The following B4GALNT1 variants were observed in gnomAD, a reference collection of about 807,000 sequenced individuals.
B4GALNT1 encodes beta-1,4-N-acetyl-galactosaminyltransferase 1.
Under a neutral mutation model 55.2 loss-of-function variants are expected in B4GALNT1, and 43 were observed. The observed-to-expected ratio is 0.78, with a 90% CI of 0.61 to 1.00. The LOEUF (loss-of-function observed/expected upper bound fraction) is 1.00, where lower values mean the gene tolerates loss of function less well. Among genes scored for constraint, B4GALNT1 ranks in the 50% least tolerant of loss-of-function variants. The pLI is 0.00. For synonymous variants in B4GALNT1, 305 were observed against 311.6 expected (o/e 0.98, Z 0.22); for missense variants, 664 against 729.7 (o/e 0.91, Z 1.04).
Position 57,623,997 on chromosome 12 carries a change from C to T in B4GALNT1, c.*2747G>A, listed in dbSNP as rs914857677. 2 of 1,611,740 alleles carry T rather than the reference C, an allele frequency of 1.2e-6. No individual in the cohort carries two copies. The highest frequency in any genetic ancestry group is 3.3e-5 in the Admixed American group (2 of 59,794). On this transcript the variant is annotated 3_prime_UTR_variant, in exon 11 of 11. Coordinates refer to ENST00000341156, the MANE Select transcript of B4GALNT1 (RefSeq NM_001478.5). ...GAGGTAGTCAGCCCACCTCCTCTGC[C>T]TCAAGGCTGTCCTGGCTTGCATCAA...
rs759270517 is a variant in B4GALNT1, at chr12:57,625,606, G to T, written c.*1138C>A. 1.9e-6 allele frequency: 3 copies of T among 1,592,472 alleles called. No individual in the cohort carries two copies. In the African/African-American group the frequency reaches 4.0e-5, roughly 21 times the overall value. ...GCCTTGGTGCAGGGGACACTGACCC[G>T]GGTAGGACTCCTGGACAGGGTGACT... is the stretch of plus-strand genomic sequence containing the variant. On this transcript the variant is annotated 3_prime_UTR_variant, in exon 11 of 11. Transcript: ENST00000341156.
At position 57,626,754 on chromosome 12, in the gene B4GALNT1, G is replaced by A; in HGVS notation, c.1592C>T (p.Thr531Ile). ...LFFKHRLQCM[T>I]SQ ...ATCCCCAGCGGGCCATCACTGGGAG[G>A]TCATGCACTGCAGCCGGTGTTTGAA... The change falls in exon 11 of 11, where the codon ACC (threonine) becomes ATC (isoleucine). Residue 531 changes from threonine to isoleucine, a missense_variant. Thr to Ile is a moderately conservative substitution (Grantham distance 89). Transcript: ENST00000341156. 6.2e-7 allele frequency: 1 copy of A among 1,614,212 alleles called. No homozygotes were observed. Among genetic ancestry groups the A allele is most frequent in the Non-Finnish European group, 8.5e-7 (1 of 1,180,040 alleles).
intron 1 of B4GALNT1, chr12:57,632,421 C>T (rs1177651592): frequency 1.9e-6 from 1 of 530,280 alleles, no homozygotes. Flanking sequence ...ATTTGGATGC[C>T]GCGGTTTCGA....
intron 1 of B4GALNT1, chr12:57,632,552 T>C (rs1885296805): frequency 7.6e-6 from 2 of 263,740 alleles, no homozygotes; most frequent in South Asian, 7.3e-5. Context: ...TGGGCCGGGG[T>C]GGGCTGCGGA....
intron 2 of B4GALNT1, 106 bp from the exon 3 acceptor site, chr12:57,631,470 G>C: frequency 7.6e-7 from 1 of 1,311,300 alleles, no homozygotes; most frequent in East Asian, 2.4e-5. Context: ...AATTCTGTCT[G>C]TCTAGGCTCT....
chr12:57,630,342 G>A lies in B4GALNT1; in HGVS notation c.532-10C>T, dbSNP rs1885118622. Reference sequence around the variant, plus strand: ...AGGCAGTCAGGTTCACCTAGGAGGGGATTGGAGAGTGCAGGGTTAGGCCCC... The same window carrying A: ...AGGCAGTCAGGTTCACCTAGGAGGGAATTGGAGAGTGCAGGGTTAGGCCCC... On this transcript the variant is annotated splice_polypyrimidine_tract_variant and intron_variant, in intron 5 of 10. Transcript: ENST00000341156. 1 of 1,613,038 alleles carries A rather than the reference G, an allele frequency of 6.2e-7. No individual in the cohort carries two copies. The highest frequency in any genetic ancestry group is 1.3e-5 in the African/African-American group (1 of 74,890).
chr12:57,627,870 G>A lies in B4GALNT1; in HGVS notation c.1144-12C>T, dbSNP rs761261942. On this transcript the variant is annotated splice_polypyrimidine_tract_variant and intron_variant, in intron 9 of 10. Transcript: ENST00000341156. ...ACCGCGCCCCCCACCTGCAGGGAGA[G>A]GGAGGTTGCCTCCAGGCGGGCCTGG... 6 of 1,568,190 alleles carry A rather than the reference G, an allele frequency of 3.8e-6. No homozygotes were observed. Among genetic ancestry groups the A allele is most frequent in the South Asian group, 3.5e-5 (3 of 86,298 alleles).
chr12:57,625,660 A>G lies in B4GALNT1; in HGVS notation c.*1084T>C, dbSNP rs201447730. On this transcript the variant is annotated 3_prime_UTR_variant, in exon 11 of 11. Transcript: ENST00000341156. ...GATCAGCTGTTTGTGAGTGTGCAGG[A>G]TGCAGCTGCTTATGCCCTGGGGAGC... 55 of 1,589,636 alleles carry G rather than the reference A, an allele frequency of 3.5e-5. No individual in the cohort carries two copies. In the African/African-American group the frequency reaches 5.8e-4, roughly 17 times the overall value.
chr12:57,623,829 T>C lies in B4GALNT1; in HGVS notation c.*2915A>G. 1 of 1,613,070 alleles carries C rather than the reference T, an allele frequency of 6.2e-7. No homozygotes were observed. Among genetic ancestry groups the C allele is most frequent in the East Asian group, 2.2e-5 (1 of 44,868 alleles). ...CCTTTTTTGCTCCTGTTCCTCCTTT[T>C]CTCTAGCTGGCAGGCCTCTTCTCCT... On this transcript the variant is annotated 3_prime_UTR_variant, in exon 11 of 11. Coordinates refer to ENST00000341156, the MANE Select transcript of B4GALNT1 (RefSeq NM_001478.5).
rs2140242662 is a variant in B4GALNT1 at position 57,627,687 on chromosome 12, A to G, written c.1315T>C (p.Phe439Leu). The G allele has an allele frequency of 6.2e-7, 1 of 1,612,346 alleles. No individual in the cohort carries two copies. The highest frequency in any genetic ancestry group is 2.2e-5 in the East Asian group (1 of 44,832). Residue 439 changes from phenylalanine (F) to leucine (L), a missense_variant, in exon 10 of 11, where the codon TTC (phenylalanine) becomes CTC (leucine). Physicochemically the swap from Phe to Leu is conservative, Grantham distance 22. Coordinates refer to ENST00000341156, the MANE Select transcript of B4GALNT1 (RefSeq NM_001478.5). ...CGCACCTTGTCAGTCCGCGCCAGGA[A>G]GAAGTTAACCACGCCGTCGGTGACC... is the stretch of plus-strand genomic sequence containing the variant. ...CVVTDGVVNF[F>L]LARTDKVREV... is the part of the protein sequence containing the mutation.
At position 57,630,270 on chromosome 12, in the gene B4GALNT1, G is replaced by C; in HGVS notation, c.594C>G (p.Leu198=). The C allele has an allele frequency of 3.7e-6, 6 of 1,614,234 alleles. No homozygotes were observed. The highest frequency in any genetic ancestry group is 5.1e-6 in the Non-Finnish European group (6 of 1,180,036). ...DVAGEVTGVT[L]TGEGQADLTL... ...TGAGATCTGCCTGACCCTCTCCAGT[G>C]AGAGTAACTCCAGTCACTTCCCCTG... is the stretch of plus-strand genomic sequence containing the variant. Residue 198 remains leucine, a synonymous_variant, in exon 6 of 11, where the codon CTC becomes CTG. Transcript: ENST00000341156.
Position 57,623,815 on chromosome 12 carries a change from C to T in B4GALNT1, c.*2929G>A, listed in dbSNP as rs1265340842. 3 of 1,607,934 alleles carry T rather than the reference C, an allele frequency of 1.9e-6. No individual in the cohort carries two copies. Among genetic ancestry groups the T allele is most frequent in the Admixed American group, 1.7e-5 (1 of 58,650 alleles). On this transcript the variant is annotated 3_prime_UTR_variant, in exon 11 of 11. Transcript: ENST00000341156. Reference sequence around the variant, plus strand: ...TGGGAGGCTCTCTTCCTTTTTTGCTCCTGTTCCTCCTTTTCTCTAGCTGGC... The same window carrying T: ...TGGGAGGCTCTCTTCCTTTTTTGCTTCTGTTCCTCCTTTTCTCTAGCTGGC...
Position 57,628,228 on chromosome 12 carries a change from T to C in B4GALNT1, c.1037A>G (p.Gln346Arg). Residue 346 changes from glutamine (Q) to arginine (R), a missense_variant, in exon 9 of 11, where the codon CAA becomes CGA. Gln to Arg is a conservative substitution (Grantham distance 43). Coordinates refer to ENST00000341156, the MANE Select transcript of B4GALNT1 (RefSeq NM_001478.5). ...CCACAGCACGTACTTGGTGGTTACTTGAGACACGGCCAGGTTCCGGCCTGC... is the reference window on the plus strand; with the variant it reads ...CCACAGCACGTACTTGGTGGTTACTCGAGACACGGCCAGGTTCCGGCCTGC... ...WFAGRNLAVS[Q>R]VTTKYVLWVD... 1 of 1,614,240 alleles carries C rather than the reference T, an allele frequency of 6.2e-7. No homozygotes were observed. The highest frequency in any genetic ancestry group is 8.5e-7 in the Non-Finnish European group (1 of 1,180,044).
At chr12:57,630,832 C>A (rs1210200131) in intron 4 of B4GALNT1, 148 bp downstream of exon 4, 4 of 797,470 alleles carry the variant, frequency 5.0e-6, no homozygotes, top group Admixed American at 4.9e-5. Context: ...TCACTTCCCA[C>A]CTCCTAAGCC....
chr12:57,629,095 T>C lies in B4GALNT1; in HGVS notation c.764A>G (p.His255Arg). 6.3e-7 allele frequency: 1 copy of C among 1,597,508 alleles called. No individual in the cohort carries two copies. Among genetic ancestry groups the C allele is most frequent in the African/African-American group, 1.3e-5 (1 of 74,648 alleles). Residue 255 changes from histidine to arginine, a missense_variant, in exon 7 of 11, where the codon CAC becomes CGC. Physicochemically the swap from His to Arg is conservative, Grantham distance 29. Transcript: ENST00000341156. ...TGGGTACAGCCGAGGGTTGGGCGGG[T>C]GTCTTATGCGGATAGTGAAAGCAGC... Reference protein sequence around the residue: ...HEAAFTIRIRHPPNPRLYPPG... With the variant: ...HEAAFTIRIRRPPNPRLYPPG...
Position 57,626,597 on chromosome 12 carries a change from G to T in B4GALNT1, c.*147C>A. 1 of 911,900 alleles carries T rather than the reference G, an allele frequency of 1.1e-6. No homozygotes were observed. Among genetic ancestry groups the T allele is most frequent in the Non-Finnish European group, 1.7e-6 (1 of 582,944 alleles). 56.5% of individuals were successfully genotyped at this position (911,900 alleles called of 1,614,324 possible). ...GTGTCACCAGGACAACCCCTACTGG[G>T]CATCAGGTTCTGAAAAGGAAGAGTG... On this transcript the variant is annotated 3_prime_UTR_variant, in exon 11 of 11. Transcript: ENST00000341156.
intron 10 of B4GALNT1, 61 bp from the exon 11 acceptor site, chr12:57,627,022 GGGA>G: frequency 7.1e-7 from 1 of 1,417,718 alleles, no homozygotes; most frequent in South Asian, 1.2e-5. Flanking sequence ...CGACTGGTAA[GGGA>G]GAACTCTCAA....
At position 57,623,685 on chromosome 12, in the gene B4GALNT1, G is replaced by A; in HGVS notation, c.*3059C>T. 1.6e-6 allele frequency: 1 copy of A among 640,628 alleles called. No individual in the cohort carries two copies. The highest frequency in any genetic ancestry group is 1.9e-5 in the South Asian group (1 of 51,766). 39.7% of individuals were successfully genotyped at this position (640,628 alleles called of 1,614,324 possible). On this transcript the variant is annotated 3_prime_UTR_variant, in exon 11 of 11. Transcript: ENST00000341156. ...GGGAGCGGGAGGGTTAGATGTGAAT[G>A]GCAGAATATTAAGAAGGGGGTTGTG...
chr12:57,626,013 A>G lies in B4GALNT1; in HGVS notation c.*731T>C, dbSNP rs1884784539. On this transcript the variant is annotated 3_prime_UTR_variant, in exon 11 of 11. Transcript: ENST00000341156. ...TCTTCTCCAGGAGCTCACTGACCCA[A>G]AGATTTGCACCGTGTGGGTCTGACC... is the stretch of plus-strand genomic sequence containing the variant. 2 of 350,810 alleles carry G rather than the reference A, an allele frequency of 5.7e-6. No individual in the cohort carries two copies. Among genetic ancestry groups the G allele is most frequent in the African/African-American group, 4.2e-5 (2 of 47,996 alleles). 21.7% of individuals were successfully genotyped at this position (350,810 alleles called of 1,614,324 possible).
Sources: allele counts gnomAD v4.1 joint callset, GRCh38; gene constraint gnomAD v4.1.1; transcripts MANE v1.5; gene names NCBI Gene and HGNC (gene_info 2026-07-23, HGNC 2026-07-21).